LDB2: variants seen among roughly 807,000 people sequenced by gnomAD.
LDB2 encodes LIM domain-binding protein 2.
In LDB2, 12 loss-of-function variants were observed where a neutral mutation model predicts 44.3. The observed-to-expected ratio is 0.27, with a 90% CI of 0.17 to 0.44. The LOEUF (loss-of-function observed/expected upper bound fraction) is 0.44. Among genes scored for constraint, LDB2 ranks in the 20% least tolerant of loss-of-function variants. LDB2 has a pLI of 1.00. For synonymous variants in LDB2, 164 were observed against 174.8 expected (o/e 0.94, Z 0.49); for missense variants, 344 against 473.5 (o/e 0.73, Z 2.54).
chr4:16,503,176 T>C (rs746188077), intron 7 of LDB2: 2 of 1,531,550 alleles, frequency 1.3e-6, no homozygotes, highest in South Asian at 1.2e-5. Flanking sequence ...AAAAAATCCA[T>C]GCTTTCAACT....
intron 1 of LDB2, chr4:16,889,438 A>G (rs897861430): frequency 6.6e-6 from 1 of 152,208 alleles, no homozygotes; most frequent in African/African-American, 2.4e-5. Flanking sequence ...TCCAGAGGGC[A>G]AAATAGTCAG....
At chr4:16,784,805 C>A (rs578244601) in intron 1 of LDB2, among the ~76,000 whole-genome samples, 1 of 152,138 alleles carries the variant, frequency 6.6e-6, no homozygotes, top group African/African-American at 2.4e-5. Flanking sequence ...CCATTATATA[C>A]CCTATGCACT....
At chr4:16,831,901 G>A (rs139204766) in intron 1 of LDB2, among the ~76,000 whole-genome samples, 31 of 152,172 alleles carry the variant, frequency 2.0e-4, no homozygotes, top group African/African-American at 3.4e-4. Context: ...TAATATGGGC[G>A]TAACCAGGGC....
chr4:16,695,918 T>C (rs547738119), intron 2 of LDB2, among the ~76,000 whole-genome samples: 2 of 152,348 alleles, frequency 1.3e-5, no homozygotes, highest in East Asian at 1.9e-4. Context: ...CTTCAGGCTA[T>C]AGTTTCCCAC....
chr4:16,877,543 C>T (rs1201385470), intron 1 of LDB2, among the ~76,000 whole-genome samples: 1 of 152,166 alleles, frequency 6.6e-6, no homozygotes, highest in Non-Finnish European at 1.5e-5. Context: ...TGAAGGTATT[C>T]TCACAGGCAT....
At chr4:16,605,361 C>G (rs1506463) in intron 2 of LDB2, among the ~76,000 whole-genome samples, 55,621 of 152,018 alleles carry the variant, frequency 0.37, 10,597 homozygotes, top group East Asian at 0.61. Flanking sequence ...AGTTAGGGTG[C>G]AATAAAATGG....
At chr4:16,745,683 G>A (rs546655203) in intron 2 of LDB2, among the ~76,000 whole-genome samples, 2 of 152,278 alleles carry the variant, frequency 1.3e-5, no homozygotes, top group South Asian at 2.1e-4. Context: ...TAGCAGCAAT[G>A]TCGAAGGGAT....
At chr4:16,616,000 T>A (rs1412607010) in intron 2 of LDB2, among the ~76,000 whole-genome samples, 1 of 152,182 alleles carries the variant, frequency 6.6e-6, no homozygotes. Context: ...CTCATGGGGA[T>A]GTTGTACAGA....
intron 1 of LDB2, among the ~76,000 whole-genome samples, chr4:16,784,081 T>C (rs2109501820): frequency 6.6e-6 from 1 of 152,338 alleles, no homozygotes; most frequent in South Asian, 2.1e-4. Flanking sequence ...TGCTAACTTT[T>C]TGTGTGATTT....
chr4:16,817,811 T>A (rs1326608415), intron 1 of LDB2, among the ~76,000 whole-genome samples: 1 of 152,170 alleles, frequency 6.6e-6, no homozygotes, highest in Non-Finnish European at 1.5e-5. Flanking sequence ...GTCAATCAAG[T>A]GAGTCTTGCT....
intron 2 of LDB2, among the ~76,000 whole-genome samples, chr4:16,737,244 T>G (rs910030483): frequency 1.3e-5 from 2 of 152,134 alleles, no homozygotes; most frequent in Non-Finnish European, 2.9e-5. Context: ...TTTATTTATT[T>G]TTGAGACAGG....
In LDB2 at chr4:16,702,996, C is replaced by T. The variant is rs116027913; in HGVS notation, c.235+56162G>A. On this transcript the variant is annotated intron_variant, in intron 2 of 7. Coordinates refer to ENST00000304523, the MANE Select transcript of LDB2 (RefSeq NM_001290.5). ...GATCCTCTAGGAAGCTGTTTCTGAC[C>T]ACACAGACTGGGTTAATTGTCCTTC... Among the ~76,000 whole-genome samples the T allele has an allele frequency of 7.7e-4, 117 of 152,266 alleles. 1 individual carries two copies. The highest frequency in any genetic ancestry group is 2.7e-3 in the African/African-American group (112 of 41,558).
intron 5 of LDB2, among the ~76,000 whole-genome samples, chr4:16,568,209 C>T (rs554631155): frequency 1.3e-5 from 2 of 152,328 alleles, no homozygotes; most frequent in East Asian, 1.9e-4. Context: ...AATTATTTCT[C>T]ACCATCTGAA....
intron 1 of LDB2, among the ~76,000 whole-genome samples, chr4:16,850,592 C>T (rs889528853): frequency 3.3e-5 from 5 of 152,144 alleles, no homozygotes; most frequent in African/African-American, 7.2e-5. Context: ...AGTAACCATA[C>T]GGTGATCCAA....
Position 16,587,734 on chromosome 4 carries a change from C to T in LDB2, c.531+976G>A, listed in dbSNP as rs548428247. Among the ~76,000 whole-genome samples, 44 of 152,178 alleles carry T rather than the reference C, an allele frequency of 2.9e-4. No homozygotes were observed. In the East Asian group the frequency reaches 8.3e-3, roughly 29 times the overall value. ...CTGGGAGACAAAGTCAGAACCACCT[C>T]GGGCAAAATCTTGATTTTGCTACTT... On this transcript the variant is annotated intron_variant, in intron 4 of 7. Transcript: ENST00000304523.
chr4:16,599,428 C>T (rs1427105288), intron 2 of LDB2, among the ~76,000 whole-genome samples: 1 of 152,104 alleles, frequency 6.6e-6, no homozygotes, highest in East Asian at 1.9e-4. Flanking sequence ...CTTGTGATTG[C>T]CCTGAATCCA....
chr4:16,786,696 C>T (rs1413256045), intron 1 of LDB2, among the ~76,000 whole-genome samples: 1 of 152,150 alleles, frequency 6.6e-6, no homozygotes, highest in Non-Finnish European at 1.5e-5. Flanking sequence ...CCAGGGTCCC[C>T]TTATTGTTTT....
At chr4:16,592,901 TC>T (rs1719624871) in intron 3 of LDB2, among the ~76,000 whole-genome samples, 1 of 152,084 alleles carries the variant, frequency 6.6e-6, no homozygotes, top group Non-Finnish European at 1.5e-5. Flanking sequence ...TTACTCAGAG[TC>T]TTTAATTCTG....
chr4:16,512,427 A>T (rs1722111717), intron 5 of LDB2, among the ~76,000 whole-genome samples: 1 of 145,554 alleles, frequency 6.9e-6, no homozygotes, highest in Non-Finnish European at 1.5e-5. Flanking sequence ...GAATTCAAAT[A>T]ACTCTTTCTG....
Sources: gnomAD v4.1 joint callset for allele counts (sites outside exome capture counted in the v4.1 genomes callset) on GRCh38, gnomAD v4.1.1 for gene constraint, MANE v1.5 for transcripts, NCBI Gene and HGNC (gene_info 2026-07-23, HGNC 2026-07-21) for gene names.